The following OR1J2 variants were observed in gnomAD, a reference collection of about 807,000 sequenced individuals.
OR1J2 encodes olfactory receptor 1J2.
For missense variants in OR1J2, 304 were observed against 246.1 expected (o/e 1.24, Z -1.57); for synonymous variants, 142 against 99.7 (o/e 1.42, Z -2.52).
the OR1J2 span, among the ~76,000 whole-genome samples, chr9:122,547,918 A>G: frequency 6.6e-6 from 1 of 152,182 alleles, no homozygotes; most frequent in South Asian, 2.1e-4. Context: ...ACATTGCGTT[A>G]AGTATTCAAT....
chr9:122,551,642 T>A, the OR1J2 span, among the ~76,000 whole-genome samples: 2 of 151,978 alleles, frequency 1.3e-5, no homozygotes, highest in African/African-American at 4.8e-5. Flanking sequence ...AGAATCACAT[T>A]CCCGAGACCC....
At chr9:122,559,767 G>A in the OR1J2 span, among the ~76,000 whole-genome samples, 2 of 152,194 alleles carry the variant, frequency 1.3e-5, no homozygotes, top group South Asian at 2.1e-4. Flanking sequence ...TAGAATAAGT[G>A]CCATGTGGCA....
the OR1J2 span, among the ~76,000 whole-genome samples, chr9:122,504,333 C>T: frequency 6.6e-6 from 1 of 152,222 alleles, no homozygotes; most frequent in South Asian, 2.1e-4. Flanking sequence ...ATGGATACCT[C>T]TACCACCATG....
chr9:122,455,214 C>T, the OR1J2 span, among the ~76,000 whole-genome samples: 1 of 152,116 alleles, frequency 6.6e-6, no homozygotes, highest in African/African-American at 2.4e-5. Flanking sequence ...TACCTATTTT[C>T]AATTGTTTTA....
the OR1J2 span, among the ~76,000 whole-genome samples, chr9:122,455,006 A>G: frequency 6.6e-6 from 1 of 152,220 alleles, no homozygotes; most frequent in Non-Finnish European, 1.5e-5. Flanking sequence ...TTCACTTTAC[A>G]TAATGTTTTC....
At chr9:122,472,796 G>A in the OR1J2 span, among the ~76,000 whole-genome samples, 2 of 152,104 alleles carry the variant, frequency 1.3e-5, no homozygotes, top group Non-Finnish European at 2.9e-5. Flanking sequence ...TCATTGAGAG[G>A]CCCATTTCCA....
At chr9:122,481,945 A>G in the OR1J2 span, among the ~76,000 whole-genome samples, 5 of 152,146 alleles carry the variant, frequency 3.3e-5, no homozygotes, top group Admixed American at 6.5e-5. Flanking sequence ...TCATGACATT[A>G]ATTTAGACAA....
At chr9:122,467,682 T>C in the OR1J2 span, among the ~76,000 whole-genome samples, 1 of 152,202 alleles carries the variant, frequency 6.6e-6, no homozygotes, top group Non-Finnish European at 1.5e-5. Flanking sequence ...TTAAACTTAT[T>C]ATAAAAGAAT....
chr9:122,511,261 GC>G lies in OR1J2; in HGVS notation c.462del (p.Ser155AlafsTer9). On this transcript the variant is annotated frameshift_variant, in exon 1 of 1. Transcript: ENST00000335302. LOFTEE classifies it low-confidence loss of function (END_TRUNC). ...LVAVSWILSC[A>X]SSLSHTLLLT... ...GGCTGTATCTTGGATTCTGTCTTGT[GC>G]CAGCTCCCTCTCTCACACCCTTCTC... is the stretch of plus-strand genomic sequence containing the variant. The G allele has an allele frequency of 1.3e-6, 1 of 755,572 alleles. No homozygotes were observed. 46.8% of individuals were successfully genotyped at this position (755,572 alleles called of 1,614,324 possible).
the OR1J2 span, among the ~76,000 whole-genome samples, chr9:122,482,687 A>T: frequency 6.6e-6 from 1 of 152,218 alleles, no homozygotes; most frequent in South Asian, 2.1e-4. Flanking sequence ...CATAAAAAGG[A>T]ATATAATCCT....
the OR1J2 span, among the ~76,000 whole-genome samples, chr9:122,482,769 A>G: frequency 6.6e-6 from 1 of 152,216 alleles, no homozygotes; most frequent in Non-Finnish European, 1.5e-5. Flanking sequence ...CAGAAAAACA[A>G]CTACTGCATG....
the OR1J2 span, among the ~76,000 whole-genome samples, chr9:122,542,521 T>A: frequency 6.6e-6 from 1 of 152,170 alleles, no homozygotes; most frequent in Non-Finnish European, 1.5e-5. Context: ...AACATTGTAT[T>A]AGAAAATTTT....
At chr9:122,519,177 C>T in the OR1J2 span, 2 of 1,612,098 alleles carry the variant, frequency 1.2e-6, no homozygotes, top group East Asian at 2.2e-5. Flanking sequence ...GTCTGAGTTC[C>T]TCCTCCTGGA....
chr9:122,536,889 G>A, the OR1J2 span, among the ~76,000 whole-genome samples: 6 of 152,130 alleles, frequency 3.9e-5, no homozygotes, highest in South Asian at 4.2e-4. Flanking sequence ...CTTTATTTCC[G>A]GGTTCTCTAT....
chr9:122,513,057 A>G (rs1828658945), downstream of OR1J2, among the ~76,000 whole-genome samples: 1 of 152,192 alleles, frequency 6.6e-6, no homozygotes, highest in African/African-American at 2.4e-5. Context: ...GAACAATTTT[A>G]TGTTAAATGG....
At chr9:122,504,116 C>G in the OR1J2 span, among the ~76,000 whole-genome samples, 1 of 152,166 alleles carries the variant, frequency 6.6e-6, no homozygotes, top group Non-Finnish European at 1.5e-5. Context: ...TACTAAGGCC[C>G]CATGCCAAAT....
At chr9:122,506,550 A>G, upstream of OR1J2, among the ~76,000 whole-genome samples, 1 of 152,198 alleles carries the variant, frequency 6.6e-6, no homozygotes, top group South Asian at 2.1e-4. Flanking sequence ...TCCCATAATG[A>G]GAACCTTAGG....
At chr9:122,580,235 C>T in the OR1J2 span, among the ~76,000 whole-genome samples, 1 of 152,154 alleles carries the variant, frequency 6.6e-6, no homozygotes, top group Admixed American at 6.5e-5. Context: ...ACACCTTCCA[C>T]GTCATTTCAA....
the OR1J2 span, among the ~76,000 whole-genome samples, chr9:122,496,322 A>T: frequency 6.6e-6 from 1 of 152,108 alleles, no homozygotes; most frequent in Non-Finnish European, 1.5e-5. Context: ...CTTCAGCTAC[A>T]GGGTGGGTTG....
Sources: gnomAD v4.1 joint callset for allele counts (sites outside exome capture counted in the v4.1 genomes callset) on GRCh38, gnomAD v4.1.1 for gene constraint, MANE v1.5 for transcripts, NCBI Gene and HGNC (gene_info 2026-07-23, HGNC 2026-07-21) for gene names.